The following PHF8 variants were observed in gnomAD, a reference collection of about 807,000 sequenced individuals.
PHF8 encodes the protein PHD finger protein 8, also known as histone lysine demethylase PHF8.
Under a neutral mutation model 74.4 loss-of-function variants are expected in PHF8, and 9 were observed. That is an observed-to-expected ratio of 0.12 (90% CI 0.07 to 0.21). The LOEUF is 0.21. PHF8 is among the 10% of genes least tolerant of loss of function. PHF8 has a pLI of 1.00. For synonymous variants in PHF8, 311 were observed against 316.6 expected, an observed-to-expected ratio of 0.98 and a Z score of 0.19; for missense variants, 478 against 816.6, an observed-to-expected ratio of 0.59 and a Z score of 5.05.
Position 54,022,232 on chromosome X carries a change from C to T in PHF8, c.293+27G>A. 3.3e-6 allele frequency: 3 copies of T among 908,160 alleles called. No homozygotes were observed. The African/African-American group carries it at 5.8e-5, about 17-fold the overall frequency. The allele number at this position is 908,160 out of a possible 1,213,427, so 74.8% of individuals were successfully genotyped here. A position where few individuals can be genotyped will look rare whatever the true frequency, so the allele number is the denominator to read the frequency against. On this transcript the variant is annotated intron_variant, in intron 4 of 21. Transcript: ENST00000338154. The stretch of plus-strand genomic sequence containing the variant: ...CAGCTTCCCAGAGCCCTGGCATTCA[C>T]CAGCCACTGGAGGCAGGGTTCCTCA...
chrX:53,942,639 A>G, intron 20 of PHF8: 2 of 703,301 alleles, frequency 2.8e-6, no homozygotes, highest in Non-Finnish European at 3.4e-6. Flanking sequence ...GTTTAATAAG[A>G]AACACCAAAA....
intron 8 of PHF8, among the ~76,000 whole-genome samples, chrX:54,006,204 C>A (rs924602434): frequency 8.1e-5 from 9 of 111,539 alleles, no homozygotes; most frequent in Non-Finnish European, 1.7e-4. Flanking sequence ...GTTTTGGGCC[C>A]GGTGCGGTGA....
chrX:53,970,092 CA>C (rs2065270444), intron 18 of PHF8, among the ~76,000 whole-genome samples: 1 of 111,615 alleles, frequency 9.0e-6, no homozygotes, highest in East Asian at 2.8e-4. Flanking sequence ...AGTAAGAACT[CA>C]AAAGCACAGG....
intron 19 of PHF8, among the ~76,000 whole-genome samples, chrX:53,952,874 C>T (rs1490456949): frequency 2.2e-5 from 2 of 89,999 alleles, no homozygotes; most frequent in Non-Finnish European, 4.3e-5. Flanking sequence ...GGCGACACAG[C>T]GAGACTCTGC....
intron 8 of PHF8, among the ~76,000 whole-genome samples, chrX:54,008,898 C>T (rs782065234): frequency 4.6e-5 from 5 of 109,530 alleles, no homozygotes; most frequent in South Asian, 7.8e-4. Context: ...ACATTCGGGC[C>T]GGGCACAGTG....
chrX:53,952,755 C>T (rs782004082), intron 19 of PHF8, among the ~76,000 whole-genome samples: 6 of 108,279 alleles, frequency 5.5e-5, no homozygotes, highest in East Asian at 5.9e-4. Context: ...TGGTGGCAGG[C>T]GCCTGTAGTC....
At chrX:53,980,240 A>G (rs2065458635) in intron 18 of PHF8, among the ~76,000 whole-genome samples, 1 of 111,428 alleles carries the variant, frequency 9.0e-6, no homozygotes, top group Non-Finnish European at 1.9e-5. Flanking sequence ...ACCTACCCCT[A>G]GTATTCAGAA....
intron 19 of PHF8, among the ~76,000 whole-genome samples, chrX:53,959,573 A>G (rs2065068223): frequency 9.0e-6 from 1 of 111,041 alleles, no homozygotes; most frequent in African/African-American, 3.3e-5. Context: ...TGTATCTTAC[A>G]AAGTAGGTAA....
Position 53,937,959 on chromosome X carries a change from A to G in PHF8, c.*1199T>C. The G allele has an allele frequency of 8.8e-7, 1 of 1,138,021 alleles. No homozygotes were observed. The highest frequency in any genetic ancestry group is 1.9e-5 in the South Asian group (1 of 51,904). The allele number at this position is 1,138,021 out of a possible 1,213,427, so 93.8% of individuals were successfully genotyped here. ...GAAGGAAGGACAGGGGAAGGGGAGG[A>G]TCGGATGGATGGTCTGCTCCTTCAC... On this transcript the variant is annotated 3_prime_UTR_variant, in exon 22 of 22. Transcript: ENST00000338154.
At chrX:54,004,435 T>C (rs1337669377) in intron 8 of PHF8, among the ~76,000 whole-genome samples, 3 of 111,307 alleles carry the variant, frequency 2.7e-5, no homozygotes, top group South Asian at 3.7e-4. Context: ...TGTAAAACAA[T>C]AGACAATCCA....
At chrX:54,016,270 G>T (rs1557108146) in intron 6 of PHF8, among the ~76,000 whole-genome samples, 1 of 111,090 alleles carries the variant, frequency 9.0e-6, no homozygotes, top group Non-Finnish European at 1.9e-5. Flanking sequence ...AAGGCGGGCA[G>T]ATCACCTGAG....
intron 2 of PHF8, among the ~76,000 whole-genome samples, chrX:54,039,192 A>G (rs190877713): frequency 1.5e-4 from 16 of 110,170 alleles, no homozygotes; most frequent in Non-Finnish European, 2.8e-4. Flanking sequence ...TATCACCTCT[A>G]GGTATCTGTG....
At chrX:53,948,203 G>T (rs2064861083) in intron 19 of PHF8, among the ~76,000 whole-genome samples, 1 of 112,000 alleles carries the variant, frequency 8.9e-6, no homozygotes, top group Non-Finnish European at 1.9e-5. Context: ...TTATGAACTG[G>T]GTATCTGAAG....
At chrX:53,941,880 T>C (rs1402024958) in intron 20 of PHF8, among the ~76,000 whole-genome samples, 1 of 111,449 alleles carries the variant, frequency 9.0e-6, no homozygotes, top group Non-Finnish European at 1.9e-5. Flanking sequence ...CAGTAAGTGG[T>C]CAAACTGGGA....
rs1557082307 is a variant in PHF8 at position 53,938,066 on chromosome X, G to T, written c.*1092C>A. ...TTGAACGATGACCTGTCGTCTGGAA[G>T]TGCAAAGGCCCAGGAGTGAAGATGT... On this transcript the variant is annotated 3_prime_UTR_variant, in exon 22 of 22. Coordinates refer to ENST00000338154, the MANE Select transcript of PHF8 (RefSeq NM_015107.3). The T allele has an allele frequency of 1.7e-6, 2 of 1,160,056 alleles. No individual in the cohort carries two copies. The highest frequency in any genetic ancestry group is 2.6e-5 in the Admixed American group (1 of 38,103).
At chrX:54,009,295 T>G (rs2149864574) in intron 8 of PHF8, among the ~76,000 whole-genome samples, 1 of 111,699 alleles carries the variant, frequency 9.0e-6, no homozygotes, top group South Asian at 3.7e-4. Context: ...AATTTTACAA[T>G]ATTTAAGATG....
intron 4 of PHF8, among the ~76,000 whole-genome samples, chrX:54,021,537 C>T (rs1434040829): frequency 1.2e-5 from 1 of 84,426 alleles, no homozygotes; most frequent in African/African-American, 4.7e-5. Context: ...GGTGGGATCT[C>T]GGCTCACTGC....
intron 11 of PHF8, chrX:53,999,387 T>C (rs2065795827): frequency 7.8e-6 from 1 of 127,687 alleles, no homozygotes; most frequent in Non-Finnish European, 1.6e-5. Flanking sequence ...ACTATATTAC[T>C]GGTAAGGCTT....
intron 2 of PHF8, among the ~76,000 whole-genome samples, chrX:54,031,062 T>G (rs1383545573): frequency 8.9e-6 from 1 of 112,036 alleles, no homozygotes; most frequent in Non-Finnish European, 1.9e-5. Context: ...TTAAGTAAAT[T>G]GTTGGCAATT....
Sources: allele counts gnomAD v4.1 joint callset (sites outside exome capture counted in the v4.1 genomes callset), GRCh38; gene constraint gnomAD v4.1.1; transcripts MANE v1.5; gene names NCBI Gene and HGNC (gene_info 2026-07-23, HGNC 2026-07-21).